TTC28: variants seen among roughly 807,000 people sequenced by gnomAD.
The protein encoded by TTC28 is tetratricopeptide repeat protein 28.
A neutral mutation model predicts 198.0 loss-of-function variants in TTC28; 61 were observed. The observed-to-expected ratio is 0.31, with a 90% CI of 0.25 to 0.38. The LOEUF (loss-of-function observed/expected upper bound fraction) is 0.38. Among genes scored for constraint, TTC28 ranks in the 10% least tolerant of loss-of-function variants. The pLI is 1.00. For missense variants in TTC28, 2,678 were observed against 3,164.0 expected (o/e 0.85, Z 3.69); for synonymous variants, 1,171 against 1,297.8 (o/e 0.90, Z 2.10).
chr22:28,252,057 A>G (rs1263353878), intron 5 of TTC28, among the ~76,000 whole-genome samples: 1 of 152,198 alleles, frequency 6.6e-6, no homozygotes, highest in African/African-American at 2.4e-5. Context: ...TAACTTGCGC[A>G]TAGGAGATGG....
At chr22:28,390,474 G>A (rs1360059267) in intron 2 of TTC28, among the ~76,000 whole-genome samples, 1 of 152,138 alleles carries the variant, frequency 6.6e-6, no homozygotes, top group Non-Finnish European at 1.5e-5. Flanking sequence ...ATGTGTGGGA[G>A]TCTAAGTCTC....
chr22:28,462,550 T>C (rs895273454), intron 2 of TTC28, among the ~76,000 whole-genome samples: 1 of 152,120 alleles, frequency 6.6e-6, no homozygotes, highest in Non-Finnish European at 1.5e-5. Context: ...GCTTTCCCCA[T>C]CCCCACCTTT....
intron 2 of TTC28, among the ~76,000 whole-genome samples, chr22:28,498,354 G>A (rs2048486820): frequency 2.6e-5 from 4 of 152,132 alleles, no homozygotes; most frequent in Non-Finnish European, 5.9e-5. Flanking sequence ...TTACACAGGT[G>A]ACAAAGTAGA....
Position 28,096,184 on chromosome 22 carries a change from T to C in TTC28, c.3766+6A>G. The C allele has an allele frequency of 6.5e-7, 1 of 1,536,062 alleles. No homozygotes were observed. Among genetic ancestry groups the C allele is most frequent in the Non-Finnish European group, 8.8e-7 (1 of 1,137,886 alleles). On this transcript the variant is annotated splice_donor_region_variant and intron_variant, in intron 11 of 22. Transcript: ENST00000397906. ...ATTGCCCTGTTCCCACAGAAAGAGA[T>C]CTTACCTGCCCCAGGAGCCAGCAGC...
At chr22:28,466,690 C>T (rs570514863) in intron 2 of TTC28, among the ~76,000 whole-genome samples, 6 of 152,226 alleles carry the variant, frequency 3.9e-5, no homozygotes, top group African/African-American at 9.6e-5. Context: ...TCAACACCCG[C>T]GTCTTATGTA....
At chr22:28,020,071 G>A (rs904333719) in intron 13 of TTC28, among the ~76,000 whole-genome samples, 2 of 152,242 alleles carry the variant, frequency 1.3e-5, no homozygotes, top group Non-Finnish European at 2.9e-5. Flanking sequence ...AGGGCATCAG[G>A]CCTCCCACTT....
intron 2 of TTC28, among the ~76,000 whole-genome samples, chr22:28,627,130 A>G (rs2051088577): frequency 6.6e-6 from 1 of 152,206 alleles, no homozygotes; most frequent in Non-Finnish European, 1.5e-5. Context: ...AGACAGAGGC[A>G]GATATATATG....
intron 2 of TTC28, among the ~76,000 whole-genome samples, chr22:28,542,256 A>ATTCT (rs1390981417): frequency 5.3e-5 from 8 of 152,210 alleles, no homozygotes; most frequent in South Asian, 2.1e-4. Flanking sequence ...GCAGCAATAG[A>ATTCT]ATCTATAGAA....
At chr22:28,469,363 T>C (rs927967051) in intron 2 of TTC28, among the ~76,000 whole-genome samples, 25 of 152,192 alleles carry the variant, frequency 1.6e-4, no homozygotes, top group African/African-American at 5.1e-4. Context: ...AGTAAGAGAC[T>C]ATGGTAAACT....
At chr22:28,279,591 C>T (rs893158288) in intron 5 of TTC28, among the ~76,000 whole-genome samples, 8 of 152,116 alleles carry the variant, frequency 5.3e-5, no homozygotes, top group African/African-American at 1.9e-4. Context: ...AGGCTGGTCT[C>T]GAACTTCTTA....
intron 3 of TTC28, among the ~76,000 whole-genome samples, chr22:28,306,069 T>C (rs2045138519): frequency 6.6e-6 from 1 of 152,208 alleles, no homozygotes; most frequent in Non-Finnish European, 1.5e-5. Context: ...TATAAGAATG[T>C]CAAATGTCTT....
intron 2 of TTC28, among the ~76,000 whole-genome samples, chr22:28,457,616 GTTA>G (rs1054142543): frequency 6.6e-6 from 1 of 152,120 alleles, no homozygotes; most frequent in African/African-American, 2.4e-5. Flanking sequence ...GCTTATCATA[GTTA>G]TTTTTATGTA....
intron 12 of TTC28, among the ~76,000 whole-genome samples, chr22:28,051,632 T>C (rs903350050): frequency 2.0e-5 from 3 of 152,174 alleles, no homozygotes; most frequent in Non-Finnish European, 4.4e-5. Context: ...ATTAACCCAG[T>C]AGGGGGTTTA....
intron 12 of TTC28, among the ~76,000 whole-genome samples, chr22:28,085,131 C>T (rs1941528623): frequency 6.6e-6 from 1 of 151,940 alleles, no homozygotes; most frequent in South Asian, 2.1e-4. Flanking sequence ...GCAAGGCAGG[C>T]CAACATTCAA....
chr22:28,335,638 T>C (rs2045699997), intron 2 of TTC28, among the ~76,000 whole-genome samples: 1 of 152,190 alleles, frequency 6.6e-6, no homozygotes, highest in African/African-American at 2.4e-5. Context: ...GGCTCTCTGT[T>C]TGTCTGTTAT....
chr22:28,140,126 C>T (rs1943296841), intron 6 of TTC28, among the ~76,000 whole-genome samples: 1 of 152,132 alleles, frequency 6.6e-6, no homozygotes, highest in Non-Finnish European at 1.5e-5. Context: ...TGCTCTGACT[C>T]TCTGCAGGGT....
intron 2 of TTC28, among the ~76,000 whole-genome samples, chr22:28,531,899 C>T (rs2049148608): frequency 6.6e-6 from 1 of 152,160 alleles, no homozygotes; most frequent in African/African-American, 2.4e-5. Flanking sequence ...CTCTGGGACA[C>T]ATTTAAAGCA....
intron 17 of TTC28, 24 bp from the exon 18 acceptor site, chr22:27,993,542 C>G: frequency 6.6e-7 from 1 of 1,523,802 alleles, no homozygotes; most frequent in Non-Finnish European, 8.9e-7. Flanking sequence ...GGGGGTGAGT[C>G]AGAGACCCAG....
chr22:28,380,299 G>C (rs1601716216), intron 2 of TTC28, among the ~76,000 whole-genome samples: 1 of 151,984 alleles, frequency 6.6e-6, no homozygotes, highest in Non-Finnish European at 1.5e-5. Context: ...TTGTCTGTTT[G>C]TTTTAATTAA....
Sources: gnomAD v4.1 joint callset for allele counts (sites outside exome capture counted in the v4.1 genomes callset) on GRCh38, gnomAD v4.1.1 for gene constraint, MANE v1.5 for transcripts, NCBI Gene and HGNC (gene_info 2026-07-23, HGNC 2026-07-21) for gene names.